CRYGN: variants seen among roughly 807,000 people sequenced by gnomAD.
CRYGN encodes the protein gamma-crystallin N.
CRYGN carries 17 observed loss-of-function variants against 19.2 expected under a neutral mutation model. That is an observed-to-expected ratio of 0.89 (90% CI 0.61 to 1.33). The LOEUF (loss-of-function observed/expected upper bound fraction) is 1.33, where lower values mean the gene tolerates loss of function less well. CRYGN is among the 40% of genes most tolerant of loss of function. CRYGN has a pLI of 0.00. For synonymous variants in CRYGN, 84 were observed against 85.8 expected, an observed-to-expected ratio of 0.98 and a Z score of 0.12; for missense variants, 239 against 239.6, an observed-to-expected ratio of 1.00 and a Z score of 0.02.
intron 1 of CRYGN, among the ~76,000 whole-genome samples, chr7:151,439,515 C>G (rs1313270457): frequency 2.6e-5 from 4 of 152,170 alleles, no homozygotes; most frequent in African/African-American, 9.7e-5. Flanking sequence ...CCCTAAGTGT[C>G]CCTGAAGAGA....
chr7:151,439,971 G>T lies in CRYGN; in HGVS notation c.-54C>A. 1 of 1,483,228 alleles carries T rather than the reference G, an allele frequency of 6.7e-7. No individual in the cohort carries two copies. 91.9% of individuals were successfully genotyped at this position (1,483,228 alleles called of 1,614,324 possible). A position where few individuals can be genotyped will look rare whatever the true frequency, so the allele number is the denominator to read the frequency against. ...CGTTTACACCGGGCAGCGCCCTGCTGGCTCAGCGCCGCCCCGGACAAAAGA... is the reference window on the plus strand; with the variant it reads ...CGTTTACACCGGGCAGCGCCCTGCTTGCTCAGCGCCGCCCCGGACAAAAGA... On this transcript the variant is annotated 5_prime_UTR_variant, in exon 1 of 4. Transcript: ENST00000337323.
chr7:151,438,895 A>G (rs1253237530), intron 1 of CRYGN: 1 of 152,328 alleles, frequency 6.6e-6, no homozygotes, highest in Non-Finnish European at 1.5e-5. Context: ...GGGAGTTCAG[A>G]CATCGTGTCT....
intron 3 of CRYGN, chr7:151,432,061 T>C (rs947862859): frequency 1.8e-6 from 1 of 560,484 alleles, no homozygotes; most frequent in Admixed American, 4.4e-5. Context: ...AGGACTTTTA[T>C]CGCCCAAGGT....
rs958959126 is a variant in CRYGN, at chr7:151,436,576, T to C, written c.271-251A>G. Among the ~76,000 whole-genome samples, 1 of 152,026 alleles carries C rather than the reference T, an allele frequency of 6.6e-6. No homozygotes were observed. Among genetic ancestry groups the C allele is most frequent in the Admixed American group, 6.5e-5 (1 of 15,268 alleles). ...AGCTCCTCTTTCTACAACTAGAAAA[T>C]CTGAGGTCCAAAGAGGGCCAAACTG... On this transcript the variant is annotated intron_variant, in intron 2 of 3. Coordinates refer to ENST00000337323, the MANE Select transcript of CRYGN (RefSeq NM_144727.3). The surrounding 1 kb of genome is among the most constrained non-coding windows in gnomAD (Gnocchi z 5.1).
At chr7:151,437,823 C>T (rs1323603666) in intron 2 of CRYGN, 173 bp downstream of exon 2, 12 of 1,479,224 alleles carry the variant, frequency 8.1e-6, no homozygotes, top group Non-Finnish European at 1.1e-5. Context: ...AGCAACTTGG[C>T]CCCCCACCTA....
rs1801442077 is a variant in CRYGN at position 151,430,613 on chromosome 7, GA to G, written c.417-434del. Among the ~76,000 whole-genome samples the G allele has an allele frequency of 6.6e-6, 1 of 152,084 alleles. No individual in the cohort carries two copies. Among genetic ancestry groups the G allele is most frequent in the Non-Finnish European group, 1.5e-5 (1 of 68,020 alleles). On this transcript the variant is annotated intron_variant, in intron 3 of 3. Coordinates refer to ENST00000337323, the MANE Select transcript of CRYGN (RefSeq NM_144727.3). This position sits in a 1 kb window ranked among gnomAD's most constrained non-coding sequence, Gnocchi z 5.2. ...CTCGGGAACCCTGTGTTCCCTCGCTGAGCTCCCTGCCGTACTCCATCACCCC... is the reference window on the plus strand; with the variant it reads ...CTCGGGAACCCTGTGTTCCCTCGCTGGCTCCCTGCCGTACTCCATCACCCC...
chr7:151,431,100 C>T lies in CRYGN; in HGVS notation c.417-920G>A, dbSNP rs761547769. Among the ~76,000 whole-genome samples, 4 of 152,294 alleles carry T rather than the reference C, an allele frequency of 2.6e-5. No homozygotes were observed. The highest frequency in any genetic ancestry group is 3.4e-3 in the Middle Eastern group (1 of 294). Reference sequence around the variant, plus strand: ...CCCAGAGCACTCCATCTGTTGCCTCCTTCTGGGGTGGGCTATGGTTTCCTC... The same window carrying T: ...CCCAGAGCACTCCATCTGTTGCCTCTTTCTGGGGTGGGCTATGGTTTCCTC... On this transcript the variant is annotated intron_variant, in intron 3 of 3. Coordinates refer to ENST00000337323, the MANE Select transcript of CRYGN (RefSeq NM_144727.3). The surrounding 1 kb of genome is among the most constrained non-coding windows in gnomAD (Gnocchi z 4.8).
At position 151,433,760 on chromosome 7, in the gene CRYGN, TG is replaced by T. The variant is rs1358273284; in HGVS notation, c.416+2419del. 4 of 154,628 alleles carry T rather than the reference TG, an allele frequency of 2.6e-5. No individual in the cohort carries two copies. The East Asian group carries it at 7.7e-4, about 30-fold the overall frequency. 9.6% of individuals were successfully genotyped at this position (154,628 alleles called of 1,614,324 possible). On this transcript the variant is annotated intron_variant, in intron 3 of 3. Transcript: ENST00000337323. This position sits in a 1 kb window ranked among gnomAD's most constrained non-coding sequence, Gnocchi z 5.1. ...CCTGGGCCACATGAGGGTTCTCACATGGACACCCCCAAAAGGAGGGGGCGGG... is the reference window on the plus strand; with the variant it reads ...CCTGGGCCACATGAGGGTTCTCACATGACACCCCCAAAAGGAGGGGGCGGG...
chr7:151,430,974 G>C lies in CRYGN; in HGVS notation c.417-794C>G, dbSNP rs926228688. 3.9e-5 allele frequency among the ~76,000 whole-genome samples: 6 copies of C among 152,204 alleles called. No homozygotes were observed. The highest frequency in any genetic ancestry group is 8.8e-5 in the Non-Finnish European group (6 of 68,036). ...CTGATCCCTCATCCAGCCAGGCCTT[G>C]GTCCAGGCACAGGCCATGTGGACAT... On this transcript the variant is annotated intron_variant, in intron 3 of 3. Coordinates refer to ENST00000337323, the MANE Select transcript of CRYGN (RefSeq NM_144727.3). This position sits in a 1 kb window ranked among gnomAD's most constrained non-coding sequence, Gnocchi z 5.2.
Position 151,436,119 on chromosome 7 carries a change from C to G in CRYGN, c.416+61G>C. On this transcript the variant is annotated intron_variant, in intron 3 of 3. Coordinates refer to ENST00000337323, the MANE Select transcript of CRYGN (RefSeq NM_144727.3). The surrounding 1 kb of genome is among the most constrained non-coding windows in gnomAD (Gnocchi z 5.1). ...CACCCCTGTGTGGCGGGCAGCCTCC[C>G]ACGCCTGGTGCTGAAGGGCCTAGCC... is the stretch of plus-strand genomic sequence containing the variant. The G allele has an allele frequency of 1.5e-6, 2 of 1,330,618 alleles. No homozygotes were observed. The highest frequency in any genetic ancestry group is 1.9e-6 in the Non-Finnish European group (2 of 1,031,490). 82.4% of individuals were successfully genotyped at this position (1,330,618 alleles called of 1,614,324 possible). A position where few individuals can be genotyped will look rare whatever the true frequency, so the allele number is the denominator to read the frequency against.
Position 151,430,628 on chromosome 7 carries a change from C to T in CRYGN, c.417-448G>A, listed in dbSNP as rs951383176. ...TTCCCTCGCTGAGCTCCCTGCCGTACTCCATCACCCCCTAGGCCTGTCGGG... is the reference window on the plus strand; with the variant it reads ...TTCCCTCGCTGAGCTCCCTGCCGTATTCCATCACCCCCTAGGCCTGTCGGG... On this transcript the variant is annotated intron_variant, in intron 3 of 3. Transcript: ENST00000337323. This position sits in a 1 kb window ranked among gnomAD's most constrained non-coding sequence, Gnocchi z 5.2. 2.6e-5 allele frequency among the ~76,000 whole-genome samples: 4 copies of T among 152,200 alleles called. No individual in the cohort carries two copies. Among genetic ancestry groups the T allele is most frequent in the Non-Finnish European group, 5.9e-5 (4 of 68,048 alleles).
At chr7:151,432,085 T>A in intron 3 of CRYGN, 1 of 767,804 alleles carries the variant, frequency 1.3e-6, no homozygotes, top group East Asian at 3.4e-5. Flanking sequence ...GAGGTCTGGG[T>A]GGGACCGCAA....
At chr7:151,432,332 G>A (rs1266604308) in intron 3 of CRYGN, 4 of 1,097,830 alleles carry the variant, frequency 3.6e-6, no homozygotes, top group Non-Finnish European at 4.6e-6. Flanking sequence ...GAAGTCCCCC[G>A]GGACTCCGGA....
intron 3 of CRYGN, chr7:151,432,276 C>T: frequency 1.6e-6 from 2 of 1,231,846 alleles, no homozygotes; most frequent in Non-Finnish European, 2.0e-6. Flanking sequence ...GCTCCTCATA[C>T]AGGACCCACC....
chr7:151,439,290 A>C (rs942818557), intron 1 of CRYGN, among the ~76,000 whole-genome samples: 18 of 152,204 alleles, frequency 1.2e-4, no homozygotes, highest in African/African-American at 4.3e-4. Context: ...ACAGCAACAC[A>C]GTCACCCCCA....
In CRYGN at chr7:151,435,203, G is replaced by A. The variant is rs543112493; in HGVS notation, c.416+977C>T. 3.4e-3 allele frequency among the ~76,000 whole-genome samples: 517 copies of A among 152,274 alleles called. 1 individual carries two copies. The highest frequency in any genetic ancestry group is 5.3e-3 in the Admixed American group (81 of 15,296). On this transcript the variant is annotated intron_variant, in intron 3 of 3. Transcript: ENST00000337323. The surrounding 1 kb of genome is among the most constrained non-coding windows in gnomAD (Gnocchi z 4.2). ...TTGTTCCTCAATTGCTTCGATAGGCGCCAGAACCATGCACAGCCAGCTGGA... is the reference window on the plus strand; with the variant it reads ...TTGTTCCTCAATTGCTTCGATAGGCACCAGAACCATGCACAGCCAGCTGGA...
At chr7:151,434,659 T>C (rs1801554840) in intron 3 of CRYGN, among the ~76,000 whole-genome samples, 1 of 152,222 alleles carries the variant, frequency 6.6e-6, no homozygotes, top group East Asian at 1.9e-4. Flanking sequence ...AAAATGGCAC[T>C]GTATTTGCAT....
Position 151,439,925 on chromosome 7 carries a change from C to A in CRYGN, c.-8G>T. Reference sequence around the variant, plus strand: ...CCCCGAGCGCTGCGCCATGGTGCGCCCCGCCCCTTCCGCGGGTCCCCGTTT... The same window carrying A: ...CCCCGAGCGCTGCGCCATGGTGCGCACCGCCCCTTCCGCGGGTCCCCGTTT... On this transcript the variant is annotated 5_prime_UTR_variant, in exon 1 of 4. Coordinates refer to ENST00000337323, the MANE Select transcript of CRYGN (RefSeq NM_144727.3). 6.5e-7 allele frequency: 1 copy of A among 1,539,070 alleles called. No homozygotes were observed. Among genetic ancestry groups the A allele is most frequent in the Non-Finnish European group, 8.7e-7 (1 of 1,143,276 alleles).
In CRYGN at chr7:151,430,014, T is replaced by G; in HGVS notation, c.*34A>C. ...AAACACTCTCCCGGCTCAGAAACGGTGCAGGTGCATTTACATGTCAATCGG... is the reference window on the plus strand; with the variant it reads ...AAACACTCTCCCGGCTCAGAAACGGGGCAGGTGCATTTACATGTCAATCGG... On this transcript the variant is annotated 3_prime_UTR_variant, in exon 4 of 4. Transcript: ENST00000337323. This position sits in a 1 kb window ranked among gnomAD's most constrained non-coding sequence, Gnocchi z 5.2. 1.2e-6 allele frequency: 1 copy of G among 822,296 alleles called. No homozygotes were observed. Among genetic ancestry groups the G allele is most frequent in the Non-Finnish European group, 2.2e-6 (1 of 455,992 alleles). The allele number at this position is 822,296 out of a possible 1,614,324, so 50.9% of individuals were successfully genotyped here.
Sources: allele counts gnomAD v4.1 joint callset (sites outside exome capture counted in the v4.1 genomes callset), GRCh38; gene constraint gnomAD v4.1.1; non-coding constraint Gnocchi (gnomAD v3.1); transcripts MANE v1.5; gene names NCBI Gene and HGNC (gene_info 2026-07-23, HGNC 2026-07-21).